Variants in SMAD6 observed in about 807,000 individuals in gnomAD.
SMAD6 encodes the protein MAD homolog 6.
In SMAD6, 103 loss-of-function variants were observed where a neutral mutation model predicts 39.4. That is an observed-to-expected ratio of 2.62 (90% confidence interval 2.23 to 3.08). The LOEUF is 3.08. Among genes scored for constraint, SMAD6 ranks in the 30% most tolerant of loss-of-function variants. The pLI is 0.00. For missense variants in SMAD6, 1,104 were observed against 742.9 expected (o/e 1.49, Z -5.65); for synonymous variants, 445 against 353.3 (o/e 1.26, Z -2.91).
At chr15:66,729,388 A>G (rs1893582599) in intron 3 of SMAD6, among the ~76,000 whole-genome samples, 1 of 152,206 alleles carries the variant, frequency 6.6e-6, no homozygotes, top group South Asian at 2.1e-4. Context: ...GTTTCCAATA[A>G]ACTGGGCCTT....
chr15:66,732,405 A>G (rs1893646280), intron 3 of SMAD6, among the ~76,000 whole-genome samples: 2 of 152,132 alleles, frequency 1.3e-5, no homozygotes, highest in African/African-American at 2.4e-5. Flanking sequence ...AGGCTGGAGT[A>G]CAGTGGTACA....
At chr15:66,769,241 C>T (rs538621618) in intron 3 of SMAD6, among the ~76,000 whole-genome samples, 1 of 152,188 alleles carries the variant, frequency 6.6e-6, no homozygotes, top group Non-Finnish European at 1.5e-5. Context: ...AGGGCTGCTG[C>T]TCACAGAGGT....
Position 66,781,808 on chromosome 15 carries a change from A to G in SMAD6, c.*273A>G. 5.0e-6 allele frequency: 2 copies of G among 399,098 alleles called. No homozygotes were observed. 24.7% of individuals were successfully genotyped at this position (399,098 alleles called of 1,614,324 possible). A position where few individuals can be genotyped will look rare whatever the true frequency, so the allele number is the denominator to read the frequency against. On this transcript the variant is annotated 3_prime_UTR_variant, in exon 4 of 4. Transcript: ENST00000288840. ...CGCACTTTGGCTTATAATTCTTTCA[A>G]TACAGATATATTTTCTTTCTCTTCC...
chr15:66,706,217 C>T (rs1487027542), intron 1 of SMAD6: 1 of 152,268 alleles, frequency 6.6e-6, no homozygotes, highest in Admixed American at 6.5e-5. Flanking sequence ...GATGAGTTAC[C>T]TCCCTTCTCA....
chr15:66,777,495 TG>T (rs1474243803), intron 3 of SMAD6, among the ~76,000 whole-genome samples: 1 of 152,204 alleles, frequency 6.6e-6, no homozygotes, highest in East Asian at 1.9e-4. Flanking sequence ...AAAAAGCTTT[TG>T]AAAATTAGCT....
intron 3 of SMAD6, among the ~76,000 whole-genome samples, chr15:66,754,267 G>A (rs1421402857): frequency 2.0e-5 from 3 of 152,188 alleles, no homozygotes; most frequent in Non-Finnish European, 2.9e-5. Flanking sequence ...TTGCAGAAAG[G>A]TCAGACCTTT....
chr15:66,736,436 G>A (rs1028153023), intron 3 of SMAD6, among the ~76,000 whole-genome samples: 38 of 152,148 alleles, frequency 2.5e-4, no homozygotes, highest in Admixed American at 2.4e-3. Flanking sequence ...GCTAAGATTC[G>A]TAGTGAGGTG....
intron 3 of SMAD6, among the ~76,000 whole-genome samples, chr15:66,762,004 T>C (rs938233029): frequency 5.9e-5 from 9 of 152,142 alleles, no homozygotes; most frequent in African/African-American, 2.2e-4. Context: ...GGCTGCGGCG[T>C]CTTCAGGCTT....
At position 66,781,650 on chromosome 15, in the gene SMAD6, A is replaced by G; in HGVS notation, c.*115A>G. The G allele has an allele frequency of 1.7e-6, 1 of 575,024 alleles. No individual in the cohort carries two copies. Among genetic ancestry groups the G allele is most frequent in the Non-Finnish European group, 2.9e-6 (1 of 348,276 alleles). 35.6% of individuals were successfully genotyped at this position (575,024 alleles called of 1,614,324 possible). On this transcript the variant is annotated 3_prime_UTR_variant, in exon 4 of 4. Coordinates refer to ENST00000288840, the MANE Select transcript of SMAD6 (RefSeq NM_005585.5). ...CCACGGACAAAACCCCCCAGATATC[A>G]TCTACCTAGATTTAATATAAAGTTT...
chr15:66,722,118 T>A (rs941712783), intron 3 of SMAD6, among the ~76,000 whole-genome samples: 41 of 152,234 alleles, frequency 2.7e-4, no homozygotes, highest in African/African-American at 4.3e-4. Context: ...AAGATTTTTT[T>A]AAAAAACTTC....
At chr15:66,769,744 A>G (rs1394876881) in intron 3 of SMAD6, among the ~76,000 whole-genome samples, 1 of 152,206 alleles carries the variant, frequency 6.6e-6, no homozygotes, top group Non-Finnish European at 1.5e-5. Flanking sequence ...AATAAAACAC[A>G]TTGTATTTGG....
At chr15:66,754,813 A>G (rs1019373853) in intron 3 of SMAD6, among the ~76,000 whole-genome samples, 2 of 152,192 alleles carry the variant, frequency 1.3e-5, no homozygotes, top group Non-Finnish European at 2.9e-5. Context: ...GCAACAGTGA[A>G]AAGGACAGAA....
At chr15:66,728,626 C>G (rs140475739) in intron 3 of SMAD6, among the ~76,000 whole-genome samples, 1 of 152,040 alleles carries the variant, frequency 6.6e-6, no homozygotes, top group Non-Finnish European at 1.5e-5. Context: ...AGGCTGGTCT[C>G]GAACTCCTGA....
chr15:66,768,655 G>A (rs919059868), intron 3 of SMAD6, among the ~76,000 whole-genome samples: 3 of 152,300 alleles, frequency 2.0e-5, no homozygotes, highest in African/African-American at 7.2e-5. Context: ...GGGGACAATG[G>A]TTCTCCTCAC....
intron 3 of SMAD6, among the ~76,000 whole-genome samples, chr15:66,755,498 T>C (rs1894081427): frequency 6.6e-6 from 1 of 152,202 alleles, no homozygotes; most frequent in Non-Finnish European, 1.5e-5. Context: ...TTCCAGGTAT[T>C]GAACCATCCT....
intron 3 of SMAD6, among the ~76,000 whole-genome samples, chr15:66,736,567 G>A (rs547815828): frequency 6.6e-6 from 1 of 152,258 alleles, no homozygotes; most frequent in East Asian, 1.9e-4. Context: ...AGCCTATTAG[G>A]ATCATTCGGA....
chr15:66,728,848 G>T (rs1430049224), intron 3 of SMAD6, among the ~76,000 whole-genome samples: 1 of 152,100 alleles, frequency 6.6e-6, no homozygotes, highest in Non-Finnish European at 1.5e-5. Flanking sequence ...CCAGCTTTTG[G>T]TTTCTACCCA....
In SMAD6 at chr15:66,710,308, A is replaced by G. The variant is rs1595762162; in HGVS notation, c.818-1360A>G. Among the ~76,000 whole-genome samples the G allele has an allele frequency of 2.0e-5, 3 of 152,254 alleles. No individual in the cohort carries two copies. The South Asian group carries it at 6.2e-4, about 32-fold the overall frequency. ...GAAAGTGATTGGCATGGAGTGAGAC[A>G]CAACGTAGACACCGAGCAAATGTTC... On this transcript the variant is annotated intron_variant, in intron 1 of 3. Transcript: ENST00000288840.
Position 66,703,473 on chromosome 15 carries a change from T to C in SMAD6, c.215T>C (p.Val72Ala), listed in dbSNP as rs1893025182. ...PVAPRRPRDA[V>A]GQRGAQGAGR... Reference sequence around the variant, plus strand: ...GCCCCGCGGCGGCCCCGGGACGCAGTGGGACAGCGAGGCGCCCAGGGCGCG... The same window carrying C: ...GCCCCGCGGCGGCCCCGGGACGCAGCGGGACAGCGAGGCGCCCAGGGCGCG... The change falls in exon 1 of 4, where the codon GTG (valine) becomes GCG (alanine). Residue 72 changes from valine to alanine, a missense_variant. By Grantham distance (64) the Val-to-Ala change is moderately conservative. Transcript: ENST00000288840. 2 of 1,245,516 alleles carry C rather than the reference T, an allele frequency of 1.6e-6. No individual in the cohort carries two copies. The highest frequency in any genetic ancestry group is 2.0e-6 in the Non-Finnish European group (2 of 991,214). The allele number at this position is 1,245,516 out of a possible 1,614,324, so 77.2% of individuals were successfully genotyped here.
Sources: gnomAD v4.1 joint callset for allele counts (sites outside exome capture counted in the v4.1 genomes callset) on GRCh38, gnomAD v4.1.1 for gene constraint, MANE v1.5 for transcripts, NCBI Gene and HGNC (gene_info 2026-07-23, HGNC 2026-07-21) for gene names.